Variants in OLFML2A observed in about 807,000 individuals in gnomAD.
OLFML2A encodes olfactomedin-like protein 2A.
OLFML2A carries 47 observed loss-of-function variants against 60.9 expected under a neutral mutation model. The observed-to-expected ratio is 0.77, with a 90% confidence interval of 0.61 to 0.98. The LOEUF (loss-of-function observed/expected upper bound fraction) is 0.98, where lower values mean the gene tolerates loss of function less well. Ranked by LOEUF, OLFML2A falls within the 50% of genes least tolerant of loss-of-function variation. The probability of loss-of-function intolerance (pLI) is 0.00; values close to 1 mark genes in which losing one functional copy is unlikely to be tolerated. For missense variants in OLFML2A, 922 were observed against 879.8 expected, an observed-to-expected ratio of 1.05 and a Z score of -0.61; for synonymous variants, 372 against 375.0, an observed-to-expected ratio of 0.99 and a Z score of 0.09.
At chr9:124,796,636 C>T (rs1053105733) in intron 3 of OLFML2A, among the ~76,000 whole-genome samples, 3 of 152,220 alleles carry the variant, frequency 2.0e-5, no homozygotes, top group African/African-American at 7.2e-5. Flanking sequence ...AGAACAGCCT[C>T]ACTTGGGAGA....
At chr9:124,789,374 A>G (rs949988996) in intron 2 of OLFML2A, among the ~76,000 whole-genome samples, 37 of 152,230 alleles carry the variant, frequency 2.4e-4, no homozygotes, top group South Asian at 6.2e-4. Flanking sequence ...GGAAGCTGGC[A>G]GAAGATGCAG....
In OLFML2A at chr9:124,779,290, G is replaced by T. The variant is rs1043743479; in HGVS notation, c.90+1930G>T. Among the ~76,000 whole-genome samples the T allele has an allele frequency of 7.9e-5, 12 of 152,184 alleles. No homozygotes were observed. Among genetic ancestry groups the T allele is most frequent in the African/African-American group, 1.2e-4 (5 of 41,504 alleles). ...TCTCCCCAACCTTCCTTCCATATGG[G>T]GCCCTCTGGGATTCCCTGATCTGGC... On this transcript the variant is annotated intron_variant, in intron 1 of 7. Coordinates refer to ENST00000373580, the MANE Select transcript of OLFML2A (RefSeq NM_182487.4). The surrounding 1 kb of genome is among the most constrained non-coding windows in gnomAD (Gnocchi z 4.1).
chr9:124,777,134 G>A lies in OLFML2A; in HGVS notation c.-137G>A, dbSNP rs572305784. 39 of 328,624 alleles carry A rather than the reference G, an allele frequency of 1.2e-4. No individual in the cohort carries two copies. In the East Asian group the frequency reaches 1.9e-3, roughly 16 times the overall value. 20.4% of individuals were successfully genotyped at this position (328,624 alleles called of 1,614,324 possible). On this transcript the variant is annotated 5_prime_UTR_variant, in exon 1 of 8. Transcript: ENST00000373580. This position sits in a 1 kb window ranked among gnomAD's most constrained non-coding sequence, Gnocchi z 6.2. ...AGCTCCGCCCCTGGCGGCGCTGGAAGACCCGCGGGGCTGGCAGCAGGGTGC... is the reference window on the plus strand; with the variant it reads ...AGCTCCGCCCCTGGCGGCGCTGGAAAACCCGCGGGGCTGGCAGCAGGGTGC...
chr9:124,788,324 C>A (rs2416951), intron 2 of OLFML2A, among the ~76,000 whole-genome samples: 1 of 150,732 alleles, frequency 6.6e-6, no homozygotes, highest in African/African-American at 2.4e-5. Context: ...TAAAGAAACC[C>A]AGGCCGGGTG....
chr9:124,799,341 C>A lies in OLFML2A; in HGVS notation c.519C>A (p.His173Gln). ...AGGTGGTGAAGGACAGCGTGCGCCA[C>A]CTCAGTGAGCAGTTGAGGCACTATG... ...ENEVVKDSVRHLSEQLRHYEN... is the reference protein window; with the variant it reads ...ENEVVKDSVRQLSEQLRHYEN... The change falls in exon 4 of 8, where the codon CAC becomes CAA. Residue 173 changes from histidine to glutamine, a missense_variant. His to Gln is a conservative substitution (Grantham distance 24). Transcript: ENST00000373580. 1 of 1,613,784 alleles carries A rather than the reference C, an allele frequency of 6.2e-7. No individual in the cohort carries two copies. The highest frequency in any genetic ancestry group is 8.5e-7 in the Non-Finnish European group (1 of 1,179,896).
rs1841289218 is a variant in OLFML2A at position 124,777,994 on chromosome 9, T to C, written c.90+634T>C. Among the ~76,000 whole-genome samples the C allele has an allele frequency of 2.0e-5, 3 of 152,172 alleles. No individual in the cohort carries two copies. The highest frequency in any genetic ancestry group is 4.4e-5 in the Non-Finnish European group (3 of 68,022). ...GAGCCTCCGTCTATTCACCTGTAGA[T>C]ACAGGGAGAATCATGGGACCCACTT... On this transcript the variant is annotated intron_variant, in intron 1 of 7. Coordinates refer to ENST00000373580, the MANE Select transcript of OLFML2A (RefSeq NM_182487.4). The surrounding 1 kb of genome is among the most constrained non-coding windows in gnomAD (Gnocchi z 6.2).
chr9:124,809,901 C>A lies in OLFML2A; in HGVS notation c.1448C>A (p.Thr483Asn). ...QGAFYYNRAF[T>N]KNIIKYDLRQ... Reference sequence around the variant, plus strand: ...GCCTTCTACTACAACCGCGCCTTCACCAAGAACATCATCAAGTACGACCTA... The same window carrying A: ...GCCTTCTACTACAACCGCGCCTTCAACAAGAACATCATCAAGTACGACCTA... The change falls in exon 8 of 8, where the codon ACC (threonine) becomes AAC (asparagine). Residue 483 changes from threonine (T) to asparagine (N), a missense_variant. Coordinates refer to ENST00000373580, the MANE Select transcript of OLFML2A (RefSeq NM_182487.4). 3 of 1,614,218 alleles carry A rather than the reference C, an allele frequency of 1.9e-6. No homozygotes were observed. The highest frequency in any genetic ancestry group is 1.3e-5 in the African/African-American group (1 of 75,052).
chr9:124,791,176 G>A (rs1183546915), intron 2 of OLFML2A, among the ~76,000 whole-genome samples: 1 of 152,186 alleles, frequency 6.6e-6, no homozygotes, highest in Non-Finnish European at 1.5e-5. Flanking sequence ...GGAGCCCCAA[G>A]GAGGGGATAG....
intron 5 of OLFML2A, among the ~76,000 whole-genome samples, chr9:124,803,653 C>T (rs942839206): frequency 2.6e-5 from 4 of 152,212 alleles, no homozygotes; most frequent in Admixed American, 6.5e-5. Flanking sequence ...GCCTGTAAAA[C>T]GGGAACAAGA....
In OLFML2A at chr9:124,785,887, A is replaced by T. The variant is rs559238207; in HGVS notation, c.91-1088A>T. ...CCAGAACTTTGAGAGGCCAAGGCAGAAGGATCACTTGTGGCCAGGAGTTCA... is the reference window on the plus strand; with the variant it reads ...CCAGAACTTTGAGAGGCCAAGGCAGTAGGATCACTTGTGGCCAGGAGTTCA... On this transcript the variant is annotated intron_variant, in intron 1 of 7. Transcript: ENST00000373580. Among the ~76,000 whole-genome samples the T allele has an allele frequency of 3.9e-5, 6 of 152,274 alleles. No homozygotes were observed. The East Asian group carries it at 1.2e-3, about 29-fold the overall frequency.
chr9:124,806,280 GAAT>G (rs944114686), intron 6 of OLFML2A, among the ~76,000 whole-genome samples: 92 of 152,198 alleles, frequency 6.0e-4, no homozygotes, highest in African/African-American at 2.1e-3. Context: ...ACTGCAGAAA[GAAT>G]AATTTTTTTA....
At position 124,787,184 on chromosome 9, in the gene OLFML2A, T is replaced by C; in HGVS notation, c.300T>C (p.Cys100=). The C allele has an allele frequency of 6.2e-7, 1 of 1,614,138 alleles. No individual in the cohort carries two copies. The highest frequency in any genetic ancestry group is 8.5e-7 in the Non-Finnish European group (1 of 1,180,004). ...CACCTCCCTCCTCTCTCAACCCCTG[T>C]GAGAACGAGTGGAAGATGGAGAAAC... ...CTAPPSSLNP[C]ENEWKMEKLK... Residue 100 remains cysteine, a synonymous_variant, in exon 2 of 8, where the codon TGT becomes TGC. Transcript: ENST00000373580.
intron 1 of OLFML2A, among the ~76,000 whole-genome samples, chr9:124,780,566 G>A (rs149215488): frequency 9.1e-4 from 139 of 152,364 alleles, no homozygotes; most frequent in Middle Eastern, 3.4e-3. Context: ...GCCTGTGGGT[G>A]TAATTGGAAA....
intron 3 of OLFML2A, among the ~76,000 whole-genome samples, chr9:124,796,344 G>A (rs542298802): frequency 1.3e-5 from 2 of 152,246 alleles, no homozygotes; most frequent in East Asian, 1.9e-4. Flanking sequence ...AGGCCCTCCC[G>A]TTACTGGCTC....
intron 2 of OLFML2A, among the ~76,000 whole-genome samples, chr9:124,791,977 C>T (rs1841577809): frequency 1.3e-5 from 2 of 152,168 alleles, no homozygotes; most frequent in African/African-American, 4.8e-5. Context: ...AAACACCATC[C>T]TTCTCCTCTC....
Position 124,799,281 on chromosome 9 carries a change from G to T in OLFML2A, c.463-4G>T, listed in dbSNP as rs746936192. The T allele has an allele frequency of 2.5e-6, 4 of 1,603,774 alleles. No individual in the cohort carries two copies. Among genetic ancestry groups the T allele is most frequent in the Non-Finnish European group, 3.4e-6 (4 of 1,171,504 alleles). ...AAAGACCTCCAATCCTGCCCCCTCC[G>T]CAGAGCATCAAGGCCAACCTGAGCC... On this transcript the variant is annotated splice_polypyrimidine_tract_variant and splice_region_variant and intron_variant, in intron 3 of 7. Transcript: ENST00000373580.
At chr9:124,803,579 G>A (rs935548913) in intron 5 of OLFML2A, among the ~76,000 whole-genome samples, 3 of 152,188 alleles carry the variant, frequency 2.0e-5, no homozygotes, top group African/African-American at 7.2e-5. Flanking sequence ...AAGCACTTTC[G>A]TTCATGCCGT....
rs2131236801 is a variant in OLFML2A, at chr9:124,779,916, T to C, written c.90+2556T>C. Among the ~76,000 whole-genome samples the C allele has an allele frequency of 6.6e-6, 1 of 152,270 alleles. No individual in the cohort carries two copies. ...AAGTCAATGTAGGGCCCTAAAGGGT[T>C]AAGTTGGCCCCTCCTTGGGCTTCCT... On this transcript the variant is annotated intron_variant, in intron 1 of 7. Coordinates refer to ENST00000373580, the MANE Select transcript of OLFML2A (RefSeq NM_182487.4). The surrounding 1 kb of genome is among the most constrained non-coding windows in gnomAD (Gnocchi z 4.1).
At chr9:124,800,888 T>C in intron 4 of OLFML2A, 2 of 1,518,624 alleles carry the variant, frequency 1.3e-6, no homozygotes, top group East Asian at 5.0e-5. Flanking sequence ...TCCTAGAGGT[T>C]GGGTGACCAA....
Sources: gnomAD v4.1 joint callset for allele counts (sites outside exome capture counted in the v4.1 genomes callset) on GRCh38, gnomAD v4.1.1 for gene constraint, Gnocchi (gnomAD v3.1) non-coding constraint, MANE v1.5 for transcripts, NCBI Gene and HGNC (gene_info 2026-07-23, HGNC 2026-07-21) for gene names.